VIPR2: variants seen among roughly 807,000 people sequenced by gnomAD.
VIPR2 encodes vasoactive intestinal polypeptide receptor 2.
Under a neutral mutation model 58.0 loss-of-function variants are expected in VIPR2, and 48 were observed. The observed-to-expected ratio is 0.83, with a 90% CI of 0.66 to 1.05. The LOEUF is 1.05. VIPR2 is among the 50% of genes least tolerant of loss of function. VIPR2 has a pLI of 0.00. For missense variants in VIPR2, 534 were observed against 558.0 expected (o/e 0.96, Z 0.43); for synonymous variants, 243 against 235.2 (o/e 1.03, Z -0.30).
intron 6 of VIPR2, among the ~76,000 whole-genome samples, chr7:159,042,454 G>A (rs1469318711): frequency 6.6e-6 from 1 of 152,212 alleles, no homozygotes; most frequent in Non-Finnish European, 1.5e-5. Context: ...AAATACAGCT[G>A]AGGGAGAAGG....
In VIPR2 at chr7:159,050,374, A is replaced by C. The variant is rs181437790; in HGVS notation, c.456-7198T>G. 8.1e-3 allele frequency among the ~76,000 whole-genome samples: 1,234 copies of C among 151,598 alleles called. 18 individuals are homozygous for C. Among genetic ancestry groups the C allele is most frequent in the African/African-American group, 0.028 (1,155 of 41,342 alleles). On this transcript the variant is annotated intron_variant, in intron 5 of 12. Coordinates refer to ENST00000262178, the MANE Select transcript of VIPR2 (RefSeq NM_003382.5). ...AAAAACAAAAAAAAAAACAAAAAAA[A>C]ACAAAAAAACCCAGACAATAGCGAT... is the stretch of plus-strand genomic sequence containing the variant.
chr7:159,046,639 C>A (rs1854669458), intron 5 of VIPR2, among the ~76,000 whole-genome samples: 1 of 152,018 alleles, frequency 6.6e-6, no homozygotes, highest in Admixed American at 6.6e-5. Context: ...GTGCTTAGTG[C>A]CAAGGAATTG....
At chr7:159,055,124 T>C (rs1855232361) in intron 5 of VIPR2, among the ~76,000 whole-genome samples, 1 of 152,348 alleles carries the variant, frequency 6.6e-6, no homozygotes, top group Admixed American at 6.5e-5. Context: ...AGTGGAATAC[T>C]ATACAGCAAG....
chr7:159,087,938 G>T (rs1282130246), intron 4 of VIPR2, among the ~76,000 whole-genome samples: 1 of 152,196 alleles, frequency 6.6e-6, no homozygotes, highest in Non-Finnish European at 1.5e-5. Flanking sequence ...GTGAGATACT[G>T]CTTCCCAAAC....
chr7:159,144,693 G>A (rs1488670208), intron 1 of VIPR2, 28 bp downstream of exon 1: 2 of 1,334,920 alleles, frequency 1.5e-6, no homozygotes, highest in African/African-American at 1.5e-5. Flanking sequence ...CCGAGGCGCC[G>A]TGGGGCGGGG....
At chr7:159,085,520 T>C (rs1857123633) in intron 4 of VIPR2, among the ~76,000 whole-genome samples, 1 of 152,170 alleles carries the variant, frequency 6.6e-6, no homozygotes, top group Non-Finnish European at 1.5e-5. Flanking sequence ...GGTCTCGAAC[T>C]CCTGACCTCA....
intron 4 of VIPR2, among the ~76,000 whole-genome samples, chr7:159,089,563 C>A (rs1000816660): frequency 6.6e-6 from 1 of 152,214 alleles, no homozygotes; most frequent in Non-Finnish European, 1.5e-5. Context: ...AAGCCCTTAA[C>A]AACAACTATT....
chr7:159,075,557 C>T (rs1327240725), intron 4 of VIPR2, among the ~76,000 whole-genome samples: 1 of 152,168 alleles, frequency 6.6e-6, no homozygotes, highest in African/African-American at 2.4e-5. Context: ...GTGAGGAGCC[C>T]AGGGCTGGCA....
intron 2 of VIPR2, among the ~76,000 whole-genome samples, chr7:159,138,580 AAT>A (rs1797323430): frequency 6.6e-6 from 1 of 152,254 alleles, no homozygotes; most frequent in African/African-American, 2.4e-5. Flanking sequence ...TCTTAAAGAG[AAT>A]ATAAGAACAA....
intron 2 of VIPR2, among the ~76,000 whole-genome samples, chr7:159,129,887 C>T: frequency 1.2e-5 from 1 of 84,720 alleles, no homozygotes; most frequent in Non-Finnish European, 2.1e-5. Context: ...TTCCCTCAAA[C>T]TGGCCTCTGG....
chr7:159,036,630 T>C (rs913308349), intron 7 of VIPR2, 122 bp downstream of exon 7: 2 of 1,262,936 alleles, frequency 1.6e-6, no homozygotes, highest in South Asian at 1.6e-5. Flanking sequence ...GAGCTCTTCA[T>C]GATATGACCC....
chr7:159,050,822 T>A (rs1854960118), intron 5 of VIPR2, among the ~76,000 whole-genome samples: 1 of 152,106 alleles, frequency 6.6e-6, no homozygotes, highest in Non-Finnish European at 1.5e-5. Flanking sequence ...AAAACCACCT[T>A]AAGTCCTATG....
intron 4 of VIPR2, among the ~76,000 whole-genome samples, chr7:159,100,426 C>T (rs1189355694): frequency 1.3e-5 from 2 of 151,824 alleles, no homozygotes. Context: ...TGCCAGCCAG[C>T]ACCACCTTAT....
rs992264691 is a variant in VIPR2, at chr7:159,097,150, T to G, written c.357+6607A>C. On this transcript the variant is annotated intron_variant, in intron 4 of 12. Transcript: ENST00000262178. This position sits in a 1 kb window ranked among gnomAD's most constrained non-coding sequence, Gnocchi z 5.3. Reference sequence around the variant, plus strand: ...GTGCCTCCCACAAAGGCATCTGCAGTGCCAGCTGCTGTGATCTTTGTCACC... The same window carrying G: ...GTGCCTCCCACAAAGGCATCTGCAGGGCCAGCTGCTGTGATCTTTGTCACC... 1 of 1,454,594 alleles carries G rather than the reference T, an allele frequency of 6.9e-7. No homozygotes were observed. The highest frequency in any genetic ancestry group is 1.4e-5 in the African/African-American group (1 of 70,268). The allele number at this position is 1,454,594 out of a possible 1,614,324, so 90.1% of individuals were successfully genotyped here. A position where few individuals can be genotyped will look rare whatever the true frequency, so the allele number is the denominator to read the frequency against.
At chr7:159,124,592 C>T (rs1156700901) in intron 2 of VIPR2, among the ~76,000 whole-genome samples, 2 of 152,082 alleles carry the variant, frequency 1.3e-5, no homozygotes, top group African/African-American at 4.8e-5. Flanking sequence ...CTCCAGCTTT[C>T]TTCTTTTTGC....
chr7:159,070,590 G>A (rs918976769), intron 4 of VIPR2, among the ~76,000 whole-genome samples: 11 of 152,118 alleles, frequency 7.2e-5, no homozygotes, highest in Non-Finnish European at 1.5e-4. Flanking sequence ...AAGCACGGCC[G>A]CTACTGACAG....
rs1360310235 is a variant in VIPR2 at position 159,030,579 on chromosome 7, G to A, written c.*37C>T. 8.0e-6 allele frequency: 12 copies of A among 1,497,830 alleles called. No homozygotes were observed. The highest frequency in any genetic ancestry group is 8.9e-6 in the Non-Finnish European group (10 of 1,120,286). 92.8% of individuals were successfully genotyped at this position (1,497,830 alleles called of 1,614,324 possible). On this transcript the variant is annotated 3_prime_UTR_variant, in exon 13 of 13. Transcript: ENST00000262178. Reference sequence around the variant, plus strand: ...CTCAGCCCCGCAGAAGCCCCGAACCGTGGGCCTCCCGCCGCGTCCGACAGG... The same window carrying A: ...CTCAGCCCCGCAGAAGCCCCGAACCATGGGCCTCCCGCCGCGTCCGACAGG...
chr7:159,106,860 G>A (rs1399932364), intron 3 of VIPR2, among the ~76,000 whole-genome samples: 1 of 150,658 alleles, frequency 6.6e-6, no homozygotes, highest in East Asian at 2.0e-4. Context: ...CAGAGGCCAG[G>A]GAGGGGCAGA....
At chr7:159,066,336 C>T (rs1194502013) in intron 4 of VIPR2, among the ~76,000 whole-genome samples, 4 of 151,206 alleles carry the variant, frequency 2.6e-5, no homozygotes, top group South Asian at 2.1e-4. Context: ...GCTTCCACAA[C>T]GTCTGTGGGA....
Sources: allele counts gnomAD v4.1 joint callset (sites outside exome capture counted in the v4.1 genomes callset), GRCh38; gene constraint gnomAD v4.1.1; non-coding constraint Gnocchi (gnomAD v3.1); transcripts MANE v1.5; gene names NCBI Gene and HGNC (gene_info 2026-07-23, HGNC 2026-07-21).